Variants in ADAMTS20 observed in about 807,000 individuals in gnomAD.
ADAMTS20 encodes A disintegrin and metalloproteinase with thrombospondin motifs 20.
A neutral mutation model predicts 260.1 loss-of-function variants in ADAMTS20; 225 were observed. The ratio of observed to expected loss-of-function variants is 0.87; its 90% CI spans 0.78 to 0.97. The LOEUF (loss-of-function observed/expected upper bound fraction) is 0.97. ADAMTS20 is among the 50% of genes least tolerant of loss of function. The pLI is 0.00. For synonymous variants in ADAMTS20, 802 were observed against 769.5 expected (o/e 1.04, Z -0.70); for missense variants, 2,400 against 2,337.7 (o/e 1.03, Z -0.55).
chr12:43,461,739 C>A (rs1942068843), intron 11 of ADAMTS20, among the ~76,000 whole-genome samples: 1 of 152,026 alleles, frequency 6.6e-6, no homozygotes, highest in African/African-American at 2.4e-5. Context: ...AATACCACCT[C>A]TTACTCAAAA....
chr12:43,356,665 A>T (rs1939752329), intron 37 of ADAMTS20, 77 bp from the exon 38 acceptor site: 1 of 985,694 alleles, frequency 1.0e-6, no homozygotes, highest in African/African-American at 1.6e-5. Context: ...TCTCAATTGC[A>T]AGGGGCAACT....
intron 7 of ADAMTS20, among the ~76,000 whole-genome samples, chr12:43,480,318 G>GT (rs1372340213): frequency 2.0e-5 from 3 of 152,146 alleles, no homozygotes; most frequent in Non-Finnish European, 2.9e-5. Flanking sequence ...CTAGCAGTGT[G>GT]TGGGGGGTAA....
In ADAMTS20 at chr12:43,517,308, CA is replaced by C. The variant is rs529228134; in HGVS notation, c.613+14727del. Among the ~76,000 whole-genome samples, 88 of 152,022 alleles carry C rather than the reference CA, an allele frequency of 5.8e-4. 1 individual carries two copies. In the South Asian group the frequency reaches 0.017, roughly 29 times the overall value. On this transcript the variant is annotated intron_variant, in intron 3 of 38. Coordinates refer to ENST00000389420, the MANE Select transcript of ADAMTS20 (RefSeq NM_025003.5). The stretch of plus-strand genomic sequence containing the variant: ...ACCAAGGTACCGAATCCAAAAGAAT[CA>C]ACAAATAAACCACTAGAGGACATAA...
chr12:43,521,258 T>C (rs1943068110), intron 3 of ADAMTS20, among the ~76,000 whole-genome samples: 1 of 152,236 alleles, frequency 6.6e-6, no homozygotes, highest in Non-Finnish European at 1.5e-5. Flanking sequence ...ACTCGCTTAC[T>C]GAGCAAACTC....
intron 36 of ADAMTS20, among the ~76,000 whole-genome samples, chr12:43,372,844 C>G (rs906188043): frequency 1.3e-5 from 2 of 152,182 alleles, no homozygotes; most frequent in Non-Finnish European, 2.9e-5. Flanking sequence ...GCAGTGGGAA[C>G]TTGAGCAATT....
intron 2 of ADAMTS20, among the ~76,000 whole-genome samples, chr12:43,540,121 C>T (rs1239940533): frequency 1.3e-5 from 2 of 152,120 alleles, no homozygotes; most frequent in Admixed American, 6.5e-5. Context: ...TGATCCGCCT[C>T]AGCCTCCCAA....
At chr12:43,384,799 T>C (rs898474165) in intron 29 of ADAMTS20, among the ~76,000 whole-genome samples, 2 of 152,244 alleles carry the variant, frequency 1.3e-5, no homozygotes, top group Non-Finnish European at 2.9e-5. Flanking sequence ...CCTTTTTTTA[T>C]AGCTGCATAG....
At chr12:43,384,620 G>A (rs10880476) in intron 29 of ADAMTS20, among the ~76,000 whole-genome samples, 34,138 of 151,740 alleles carry the variant, frequency 0.22, 4,592 homozygotes, top group African/African-American at 0.37. Context: ...AAACCCCCTC[G>A]ACAGGCCCCA....
chr12:43,457,073 G>C (rs187429540), intron 11 of ADAMTS20, among the ~76,000 whole-genome samples: 1 of 152,330 alleles, frequency 6.6e-6, no homozygotes, highest in East Asian at 1.9e-4. Flanking sequence ...ACAATGTGTA[G>C]GACACCAATA....
chr12:43,352,953 T>C (rs1380641105), downstream of ADAMTS20, among the ~76,000 whole-genome samples: 5 of 152,300 alleles, frequency 3.3e-5, no homozygotes, highest in African/African-American at 1.2e-4. Context: ...CAAAATTGTA[T>C]TAGAGCTTTA....
At position 43,375,503 on chromosome 12, in the gene ADAMTS20, A is replaced by AT; in HGVS notation, c.5321dup (p.Asn1774LysfsTer8). The AT allele has an allele frequency of 6.2e-7, 1 of 1,613,104 alleles. No individual in the cohort carries two copies. The highest frequency in any genetic ancestry group is 8.5e-7 in the Non-Finnish European group (1 of 1,179,428). ...TCCCATTAAAAGGACATTGATATGG[A>AT]TTTTTTAGTCTGTAACAACATTGGG... On this transcript the variant is annotated frameshift_variant, in exon 36 of 39. Transcript: ENST00000389420. LOFTEE classifies it high-confidence loss of function.
chr12:43,539,737 C>CT (rs953757893), intron 2 of ADAMTS20, among the ~76,000 whole-genome samples: 2 of 152,122 alleles, frequency 1.3e-5, no homozygotes, highest in African/African-American at 4.8e-5. Context: ...AAAAAGCATG[C>CT]TGAAGAGGGG....
chr12:43,398,302 T>G (rs1008348184), intron 29 of ADAMTS20, among the ~76,000 whole-genome samples: 1 of 152,206 alleles, frequency 6.6e-6, no homozygotes, highest in Non-Finnish European at 1.5e-5. Context: ...TTCAAATGCA[T>G]GCCTACCCGA....
At chr12:43,529,146 A>G (rs1440588369) in intron 3 of ADAMTS20, among the ~76,000 whole-genome samples, 3 of 152,172 alleles carry the variant, frequency 2.0e-5, no homozygotes, top group African/African-American at 7.2e-5. Context: ...AAAAGTCAAA[A>G]AACAATAGAT....
chr12:43,410,062 AG>A (rs1488043816), intron 28 of ADAMTS20, among the ~76,000 whole-genome samples: 3 of 152,252 alleles, frequency 2.0e-5, no homozygotes, highest in African/African-American at 7.2e-5. Flanking sequence ...GATTGACTAA[AG>A]TCAGTTCCAG....
Position 43,446,601 on chromosome 12 carries a change from G to A in ADAMTS20, c.2191C>T (p.His731Tyr). The A allele has an allele frequency of 1.2e-6, 2 of 1,610,944 alleles. No homozygotes were observed. The highest frequency in any genetic ancestry group is 8.5e-7 in the Non-Finnish European group (1 of 1,177,556). ...AAACAAATACACAACTTACCATAAT[G>A]AGAACTGTTGAAGACACCTGTTATT... ...KTITGVFNSS[H>Y]YGYNVVVKIP... Residue 731 changes from histidine (H) to tyrosine (Y), a missense_variant, in exon 15 of 39, where the codon CAT becomes TAT. Physicochemically the swap from His to Tyr is moderately conservative, Grantham distance 83. Transcript: ENST00000389420.
chr12:43,377,737 T>C (rs80316081), intron 31 of ADAMTS20, among the ~76,000 whole-genome samples, 175 bp from the exon 32 acceptor site: 28 of 152,236 alleles, frequency 1.8e-4, no homozygotes, highest in African/African-American at 6.7e-4. Context: ...TTCCCAGAGT[T>C]GTACCAATAA....
Position 43,492,598 on chromosome 12 carries a change from G to T in ADAMTS20, c.983C>A (p.Thr328Asn). Residue 328 changes from threonine to asparagine, a missense_variant, in exon 6 of 39, where the codon ACC (threonine) becomes AAC (asparagine). Transcript: ENST00000389420. Reference protein sequence around the residue: ...EGPVINFDGATTLKNFCSWQQ... With the variant: ...EGPVINFDGANTLKNFCSWQQ... Reference sequence around the variant, plus strand: ...CCATGAACAAAAGTTCTTTAATGTGGTAGCACCATCAAAATTAATGACTGG... The same window carrying T: ...CCATGAACAAAAGTTCTTTAATGTGTTAGCACCATCAAAATTAATGACTGG... 1 of 1,613,670 alleles carries T rather than the reference G, an allele frequency of 6.2e-7. No individual in the cohort carries two copies. The highest frequency in any genetic ancestry group is 8.5e-7 in the Non-Finnish European group (1 of 1,179,784).
At chr12:43,529,622 C>T (rs189514387) in intron 3 of ADAMTS20, among the ~76,000 whole-genome samples, 8 of 151,932 alleles carry the variant, frequency 5.3e-5, no homozygotes, top group Non-Finnish European at 7.4e-5. Flanking sequence ...AAAGGCATAC[C>T]GAGTGATATA....
Sources: allele counts gnomAD v4.1 joint callset (sites outside exome capture counted in the v4.1 genomes callset), GRCh38; gene constraint gnomAD v4.1.1; transcripts MANE v1.5; gene names NCBI Gene and HGNC (gene_info 2026-07-23, HGNC 2026-07-21).